TLE4: variants seen among roughly 807,000 people sequenced by gnomAD.
TLE4 encodes the protein transducin-like enhancer protein 4.
Under a neutral mutation model 92.8 loss-of-function variants are expected in TLE4, and 8 were observed. The observed-to-expected ratio is 0.09, with a 90% CI of 0.05 to 0.16. The LOEUF is 0.16. Among genes scored for constraint, TLE4 ranks in the 10% least tolerant of loss-of-function variants. TLE4 has a pLI of 1.00. For synonymous variants in TLE4, 371 were observed against 374.1 expected, an observed-to-expected ratio of 0.99 and a Z score of 0.10; for missense variants, 675 against 997.6, an observed-to-expected ratio of 0.68 and a Z score of 4.36.
At chr9:79,598,533 C>T (rs774563966) in intron 4 of TLE4, among the ~76,000 whole-genome samples, 5 of 152,272 alleles carry the variant, frequency 3.3e-5, no homozygotes, top group Middle Eastern at 3.4e-3. Context: ...AAATAGTCCT[C>T]TAAAAAGCAT....
At chr9:79,638,424 CTAAA>C (rs2056433210) in intron 6 of TLE4, among the ~76,000 whole-genome samples, 1 of 152,102 alleles carries the variant, frequency 6.6e-6, no homozygotes, top group Non-Finnish European at 1.5e-5. Flanking sequence ...ATGGTTTTGA[CTAAA>C]TAGTTAGAGC....
chr9:79,646,030 A>T (rs186121116), intron 6 of TLE4, among the ~76,000 whole-genome samples: 79 of 152,076 alleles, frequency 5.2e-4, no homozygotes, highest in Non-Finnish European at 2.2e-4. Context: ...TGCCCTCTTT[A>T]ATTCTTTGGC....
rs746451593 is a variant in TLE4 at position 79,705,951 on chromosome 9, G to A, written c.783+9G>A. 6 of 1,614,050 alleles carry A rather than the reference G, an allele frequency of 3.7e-6. No individual in the cohort carries two copies. Among genetic ancestry groups the A allele is most frequent in the Non-Finnish European group, 5.1e-6 (6 of 1,179,916 alleles). On this transcript the variant is annotated intron_variant, in intron 10 of 19. Coordinates refer to ENST00000376552, the MANE Select transcript of TLE4 (RefSeq NM_007005.6). Reference sequence around the variant, plus strand: ...TTGACGTTTCCAATGAGGTATGTTTGTGGCTACTTTAATTTTTTGCACTTG... The same window carrying A: ...TTGACGTTTCCAATGAGGTATGTTTATGGCTACTTTAATTTTTTGCACTTG...
intron 4 of TLE4, chr9:79,601,406 G>T (rs2045622904): frequency 2.2e-6 from 1 of 456,478 alleles, no homozygotes; most frequent in African/African-American, 2.0e-5. Flanking sequence ...GCTTTATTGT[G>T]CTTCACAGAG....
intron 19 of TLE4, among the ~76,000 whole-genome samples, chr9:79,724,339 C>T (rs1188145224): frequency 6.6e-6 from 1 of 152,064 alleles, no homozygotes; most frequent in Non-Finnish European, 1.5e-5. Flanking sequence ...ACAGCTCAAC[C>T]TGACTCCAAG....
chr9:79,658,330 A>AT (rs1249805700), intron 8 of TLE4, among the ~76,000 whole-genome samples: 3 of 152,178 alleles, frequency 2.0e-5, no homozygotes, highest in Non-Finnish European at 4.4e-5. Flanking sequence ...ACGTATAATT[A>AT]TTTTTTAGCT....
chr9:79,719,029 A>T (rs1439925861), intron 15 of TLE4, 58 bp downstream of exon 15: 17 of 1,561,062 alleles, frequency 1.1e-5, no homozygotes, highest in Non-Finnish European at 1.5e-5. Context: ...GGAGGGGCTG[A>T]TGAGAGAACT....
intron 1 of TLE4, chr9:79,573,160 G>T: frequency 1.2e-6 from 1 of 850,536 alleles, no homozygotes; most frequent in Non-Finnish European, 1.5e-6. Flanking sequence ...GCGACTCCGC[G>T]CCCGGGCGGG....
At chr9:79,635,059 T>G (rs1052859675) in intron 6 of TLE4, among the ~76,000 whole-genome samples, 1 of 152,294 alleles carries the variant, frequency 6.6e-6, no homozygotes, top group East Asian at 1.9e-4. Flanking sequence ...TTTCTCAGAG[T>G]GATTCTACTA....
chr9:79,714,447 A>G (rs1174598195), intron 14 of TLE4, among the ~76,000 whole-genome samples: 39 of 152,178 alleles, frequency 2.6e-4, no homozygotes, highest in Admixed American at 2.6e-3. Context: ...ATTAAAACCA[A>G]TTCAAGGATT....
At chr9:79,646,083 A>AT (rs1176654219) in intron 6 of TLE4, among the ~76,000 whole-genome samples, 25 of 149,982 alleles carry the variant, frequency 1.7e-4, no homozygotes, top group Admixed American at 4.6e-4. Flanking sequence ...ATATATATAT[A>AT]TATTTTTTTT....
At chr9:79,612,283 CTTTACTT>C (rs2048545868) in intron 4 of TLE4, among the ~76,000 whole-genome samples, 1 of 152,082 alleles carries the variant, frequency 6.6e-6, no homozygotes, top group Non-Finnish European at 1.5e-5. Flanking sequence ...AAGAATGTAT[CTTTACTT>C]ATCTAAATTC....
At position 79,617,518 on chromosome 9, in the gene TLE4, G is replaced by A. The variant is rs1236087582; in HGVS notation, c.315+4800G>A. On this transcript the variant is annotated intron_variant, in intron 5 of 19. Transcript: ENST00000376552. ...GTTATAGTTGAAAATTATTCTCCAG[G>A]GTACAGTTGTATTTTTCAGAAACTT... Among the ~76,000 whole-genome samples the A allele has an allele frequency of 3.3e-5, 5 of 152,068 alleles. No homozygotes were observed. In the East Asian group the frequency reaches 9.6e-4, roughly 29 times the overall value.
chr9:79,620,222 A>G (rs1428048287), intron 5 of TLE4, among the ~76,000 whole-genome samples: 3 of 152,256 alleles, frequency 2.0e-5, no homozygotes, highest in African/African-American at 7.2e-5. Flanking sequence ...TACCTTGAGT[A>G]GAGCTGCATT....
At chr9:79,606,187 GTTTTTTT>G (rs71364420) in intron 4 of TLE4, among the ~76,000 whole-genome samples, 30 of 28,704 alleles carry the variant, frequency 1.0e-3, no homozygotes, top group African/African-American at 3.6e-3. Context: ...AGTAGTAGTT[GTTTTTTT>G]TTTTTTTTTT....
At chr9:79,686,503 A>T (rs921972561) in intron 8 of TLE4, among the ~76,000 whole-genome samples, 1 of 152,190 alleles carries the variant, frequency 6.6e-6, no homozygotes, top group Non-Finnish European at 1.5e-5. Context: ...TCATCCGGGA[A>T]TCAAGTTGGC....
At chr9:79,652,987 AT>A in intron 7 of TLE4, 193 bp downstream of exon 7, 1 of 735,500 alleles carries the variant, frequency 1.4e-6, no homozygotes, top group Admixed American at 1.8e-5. Context: ...AAGAGCTAAC[AT>A]ACTCCCTAGA....
intron 4 of TLE4, among the ~76,000 whole-genome samples, chr9:79,594,446 C>G (rs1399826187): frequency 6.6e-6 from 1 of 152,106 alleles, no homozygotes. Context: ...ATCTTATTAT[C>G]TGCACAACCT....
intron 4 of TLE4, among the ~76,000 whole-genome samples, chr9:79,592,275 CT>C (rs1170642342): frequency 0.016 from 1,750 of 106,898 alleles, 30 homozygotes; most frequent in African/African-American, 0.053. Context: ...TCTTCTTCTT[CT>C]TTTTTTTTTT....
Sources: gnomAD v4.1 joint callset for allele counts (sites outside exome capture counted in the v4.1 genomes callset) on GRCh38, gnomAD v4.1.1 for gene constraint, MANE v1.5 for transcripts, NCBI Gene and HGNC (gene_info 2026-07-23, HGNC 2026-07-21) for gene names.